ADAMTS1: variants seen among roughly 807,000 people sequenced by gnomAD.
ADAMTS1 encodes the protein ADAM metallopeptidase with thrombospondin type 1 motif 1.
In ADAMTS1, 19 loss-of-function variants were observed where a neutral mutation model predicts 87.9. That is an observed-to-expected ratio of 0.22 (90% CI 0.15 to 0.32). The LOEUF (loss-of-function observed/expected upper bound fraction) is 0.32, where lower values mean the gene tolerates loss of function less well. Among genes scored for constraint, ADAMTS1 ranks in the 10% least tolerant of loss-of-function variants. The probability of loss-of-function intolerance (pLI) is 1.00; values close to 1 mark genes in which losing one functional copy is unlikely to be tolerated. For missense variants in ADAMTS1, 1,240 were observed against 1,259.1 expected (o/e 0.98, Z 0.23); for synonymous variants, 542 against 501.8 (o/e 1.08, Z -1.07).
rs372852684 is a variant in ADAMTS1 at position 26,841,028 on chromosome 21, T to C, written c.1348A>G (p.Met450Val). 2.5e-6 allele frequency: 4 copies of C among 1,614,224 alleles called. No homozygotes were observed. The highest frequency in any genetic ancestry group is 1.1e-5 in the South Asian group (1 of 91,086). ...SQPWSPCSAY[M>V]ITSFLDNGHG... ...CCATTATCCAGAAATGATGTAATCA[T>C]GTAGGCACTGCAAGGAGACCAAGGC... The change falls in exon 4 of 9, where the codon ATG (methionine) becomes GTG (valine). Residue 450 changes from methionine to valine, a missense_variant. By Grantham distance (21) the Met-to-Val change is conservative (BLOSUM62 1). Transcript: ENST00000284984.
chr21:26,841,990 C>A lies in ADAMTS1; in HGVS notation c.1078G>T (p.Asp360Tyr), dbSNP rs1170612480. The A allele has an allele frequency of 6.2e-7, 1 of 1,612,598 alleles. No individual in the cohort carries two copies. The highest frequency in any genetic ancestry group is 1.3e-5 in the African/African-American group (1 of 74,778). The change falls in exon 3 of 9, where the codon GAC becomes TAC. Residue 360 changes from aspartate (D) to tyrosine (Y), a missense_variant and splice_region_variant. Asp to Tyr is a radical substitution (Grantham distance 160). Transcript: ENST00000284984. Reference sequence around the variant, plus strand: ...TCACATGTCTGGGACCCACACAAGTCCTACAAAAAGCAAAGGTAAATACTT... The same window carrying A: ...TCACATGTCTGGGACCCACACAAGTACTACAAAAAGCAAAGGTAAATACTT... ...YDTAILFTRQ[D>Y]LCGSQTCDTL...
intron 7 of ADAMTS1, chr21:26,838,869 A>G: frequency 2.7e-6 from 1 of 374,732 alleles, no homozygotes; most frequent in East Asian, 4.0e-5. Context: ...AAGGTCAATG[A>G]AAGTAGAGCT....
Position 26,844,878 on chromosome 21 carries a change from C to A in ADAMTS1, c.77G>T (p.Gly26Val). Residue 26 changes from glycine to valine, a missense_variant, in exon 1 of 9, where the codon GGG becomes GTG. Around this residue, in one of 3 missense-constraint regions of ADAMTS1, gnomAD observed 521 missense variants for 449.7 expected, o/e 1.16. Transcript: ENST00000284984. ...GGGTACTGGCCCAAAGCTCCGAGAC[C>A]CCGGAGCCCGCTCCGCGTTCCCCAT... ...SDMGNAERAP[G>V]SRSFGPVPTL... 2 of 1,540,438 alleles carry A rather than the reference C, an allele frequency of 1.3e-6. No homozygotes were observed. Among genetic ancestry groups the A allele is most frequent in the South Asian group, 1.2e-5 (1 of 83,122 alleles).
At position 26,840,628 on chromosome 21, in the gene ADAMTS1, T is replaced by C. The variant is rs762921354; in HGVS notation, c.1379-66A>G. The C allele has an allele frequency of 2.3e-5, 35 of 1,518,508 alleles. 1 individual carries two copies. The highest frequency in any genetic ancestry group is 2.3e-5 in the Non-Finnish European group (26 of 1,120,596). The allele number at this position is 1,518,508 out of a possible 1,614,324, so 94.1% of individuals were successfully genotyped here. On this transcript the variant is annotated intron_variant, in intron 4 of 8. Coordinates refer to ENST00000284984, the MANE Select transcript of ADAMTS1 (RefSeq NM_006988.5). ...GAGGGCATGAAGGGGTAGATCCCATTTCAGAAAATATTTATCATATGAGAA... is the reference window on the plus strand; with the variant it reads ...GAGGGCATGAAGGGGTAGATCCCATCTCAGAAAATATTTATCATATGAGAA...
intron 3 of ADAMTS1, chr21:26,841,655 C>T: frequency 1.9e-6 from 1 of 532,320 alleles, no homozygotes; most frequent in Non-Finnish European, 3.1e-6. Context: ...ATACACATTT[C>T]CAAATGTCCA....
intron 5 of ADAMTS1, 48 bp downstream of exon 5, chr21:26,840,228 T>C: frequency 6.3e-7 from 1 of 1,586,262 alleles, no homozygotes; most frequent in Non-Finnish European, 8.6e-7. Context: ...TCTTTTACCA[T>C]CACTTTGTTC....
intron 1 of ADAMTS1, 100 bp from the exon 2 acceptor site, chr21:26,842,785 G>T: frequency 1.1e-6 from 1 of 919,626 alleles, no homozygotes; most frequent in Non-Finnish European, 1.6e-6. Flanking sequence ...AGCAAACAAA[G>T]CAAAAATATA....
Position 26,844,837 on chromosome 21 carries a change from C to G in ADAMTS1, c.118G>C (p.Ala40Pro). 6.4e-7 allele frequency: 1 copy of G among 1,553,960 alleles called. No homozygotes were observed. Among genetic ancestry groups the G allele is most frequent in the South Asian group, 1.2e-5 (1 of 85,720 alleles). The change falls in exon 1 of 9, where the codon GCC (alanine) becomes CCC (proline). Residue 40 changes from alanine to proline, a missense_variant. By Grantham distance (27) the Ala-to-Pro change is conservative. Around this residue, in one of 3 missense-constraint regions of ADAMTS1, gnomAD observed 521 missense variants for 449.7 expected, o/e 1.16. Transcript: ENST00000284984. ...FGPVPTLLLL[A>P]AALLAVSDAL... ...TCCGACACGGCCAGTAGCGCCGCGG[C>G]GAGCAGCAGCAGCGTGGGTACTGGC... is the stretch of plus-strand genomic sequence containing the variant.
rs567473733 is a variant in ADAMTS1 at position 26,844,369 on chromosome 21, C to T, written c.586G>A (p.Gly196Ser). 5.6e-6 allele frequency: 9 copies of T among 1,593,196 alleles called. No homozygotes were observed. The Admixed American group carries it at 1.6e-4, about 28-fold the overall frequency. The change falls in exon 1 of 9, where the codon GGC (glycine) becomes AGC (serine). Residue 196 changes from glycine to serine, a missense_variant. By Grantham distance (56) the Gly-to-Ser change is moderately conservative (BLOSUM62 0). This residue lies in a region of ADAMTS1 where 521 missense variants were observed against 449.7 expected (regional missense o/e 1.16). Transcript: ENST00000284984. ...LRRNRQGDVG[G>S]TCGVVDDEPR... ...TCGTCGTCCACGACCCCGCACGTGC[C>T]GCCGACGTCGCCCTGCCGATTCCGC...
intron 3 of ADAMTS1, chr21:26,841,613 C>T: frequency 2.5e-6 from 1 of 402,938 alleles, no homozygotes; most frequent in Non-Finnish European, 4.3e-6. Flanking sequence ...CTTTTGCAGA[C>T]CATGTCTACT....
chr21:26,837,368 A>G lies in ADAMTS1; in HGVS notation c.*211T>C, dbSNP rs1187762428. On this transcript the variant is annotated 3_prime_UTR_variant, in exon 9 of 9. Transcript: ENST00000284984. ...ATGCTATATCACTGCTCAGAGGTTA[A>G]TAATCCTCACTAACTATCCTATCAA... The G allele has an allele frequency of 1.2e-5, 7 of 571,164 alleles. No homozygotes were observed. Among genetic ancestry groups the G allele is most frequent in the East Asian group, 1.1e-4 (4 of 35,566 alleles). The allele number at this position is 571,164 out of a possible 1,614,324, so 35.4% of individuals were successfully genotyped here. A position where few individuals can be genotyped will look rare whatever the true frequency, so the allele number is the denominator to read the frequency against.
At chr21:26,838,303 A>T (rs1388613014) in intron 8 of ADAMTS1, 25 bp from the exon 9 acceptor site, 2 of 1,584,098 alleles carry the variant, frequency 1.3e-6, no homozygotes, top group African/African-American at 2.7e-5. Context: ...AACAGGCATA[A>T]ATCTCTGATT....
In ADAMTS1 at chr21:26,844,622, G is replaced by T. The variant is rs140674195; in HGVS notation, c.333C>A (p.Ser111=). 6.2e-7 allele frequency: 1 copy of T among 1,608,610 alleles called. No individual in the cohort carries two copies. ...GGTCGGTTTCCGGAAGCGGCGTCTCGGACCCGGATTTGCGCCCCACGTTCT... is the reference window on the plus strand; with the variant it reads ...GGTCGGTTTCCGGAAGCGGCGTCTCTGACCCGGATTTGCGCCCCACGTTCT... ...TLQNVGRKSG[S]ETPLPETDLA... Residue 111 remains serine (S), a synonymous_variant, in exon 1 of 9, where the codon TCC becomes TCA. Transcript: ENST00000284984.
intron 5 of ADAMTS1, 59 bp downstream of exon 5, chr21:26,840,217 A>G: frequency 6.3e-7 from 1 of 1,578,776 alleles, no homozygotes; most frequent in Non-Finnish European, 8.6e-7. Context: ...TTGGTATCAT[A>G]TCTTTTACCA....
chr21:26,844,264 G>A lies in ADAMTS1; in HGVS notation c.691C>T (p.Pro231Ser). 1 of 1,589,524 alleles carries A rather than the reference G, an allele frequency of 6.3e-7. No homozygotes were observed. Among genetic ancestry groups the A allele is most frequent in the Non-Finnish European group, 8.6e-7 (1 of 1,169,062 alleles). The change falls in exon 1 of 9, where the codon CCG becomes TCG. Residue 231 changes from proline to serine, a missense_variant. Pro to Ser is a moderately conservative substitution (Grantham distance 74, BLOSUM62 -1). Transcript: ENST00000284984. ...ACGCCTTGCAGTGCCGGGTCCTGCG[G>A]CGACCACTGAGCCCCTTCGTCCTCG... ...EGEDEGAQWSPQDPALQGVGQ... is the reference protein window; with the variant it reads ...EGEDEGAQWSSQDPALQGVGQ...
At chr21:26,844,114 C>T (rs1316192992) in intron 1 of ADAMTS1, 111 bp downstream of exon 1, 5 of 1,371,178 alleles carry the variant, frequency 3.6e-6, no homozygotes, top group Non-Finnish European at 4.9e-6. Flanking sequence ...CCGTTCTGTC[C>T]GCGGACTTAT....
chr21:26,844,790 C>T lies in ADAMTS1; in HGVS notation c.165G>A (p.Glu55=), dbSNP rs750541872. ...AVSDALGRPS[E]EDEELVVPEL... ...CCGGCACCACTAGCTCCTCGTCCTC[C>T]TCGGAGGGGCGCCCGAGTGCGTCCG... Residue 55 remains glutamate (E), a synonymous_variant, in exon 1 of 9, where the codon GAG becomes GAA. Transcript: ENST00000284984. The T allele has an allele frequency of 1.1e-4, 176 of 1,545,852 alleles. 1 individual carries two copies. The Middle Eastern group carries it at 2.0e-3, about 18-fold the overall frequency.
chr21:26,837,427 C>T lies in ADAMTS1; in HGVS notation c.*152G>A. ...CTGGCAGTTTACTCTGATGATTCAA[C>T]TCCTTTTCTATCTACCCCCATAATC... is the stretch of plus-strand genomic sequence containing the variant. On this transcript the variant is annotated 3_prime_UTR_variant, in exon 9 of 9. Coordinates refer to ENST00000284984, the MANE Select transcript of ADAMTS1 (RefSeq NM_006988.5). 1 of 660,666 alleles carries T rather than the reference C, an allele frequency of 1.5e-6. No homozygotes were observed. The highest frequency in any genetic ancestry group is 2.7e-5 in the East Asian group (1 of 36,690). The allele number at this position is 660,666 out of a possible 1,614,324, so 40.9% of individuals were successfully genotyped here.
intron 1 of ADAMTS1, 58 bp from the exon 2 acceptor site, chr21:26,842,743 C>T (rs1985523281): frequency 1.4e-6 from 2 of 1,452,912 alleles, no homozygotes; most frequent in Non-Finnish European, 1.9e-6. Flanking sequence ...AGTTACCTTC[C>T]TAGCATATAT....
Sources: gnomAD v4.1 joint callset for allele counts on GRCh38, gnomAD v4.1.1 for gene constraint, gnomAD v4.1.1 regional missense constraint, MANE v1.5 for transcripts, NCBI Gene and HGNC (gene_info 2026-07-23, HGNC 2026-07-21) for gene names.